Variants in SEL1L observed in about 807,000 individuals in gnomAD.
SEL1L encodes SEL1L adaptor subunit of SYVN1 ubiquitin ligase, also known as protein sel-1 homolog 1.
Under a neutral mutation model 109.8 loss-of-function variants are expected in SEL1L, and 52 were observed. That is an observed-to-expected ratio of 0.47 (90% CI 0.38 to 0.60). The LOEUF is 0.60. SEL1L is among the 20% of genes least tolerant of loss of function. The pLI, the probability that SEL1L is intolerant of heterozygous loss-of-function variation, is 0.00. For missense variants in SEL1L, 749 were observed against 962.2 expected (o/e 0.78, Z 2.93); for synonymous variants, 373 against 339.6 (o/e 1.10, Z -1.08).
Position 81,485,680 on chromosome 14 carries a change from G to A in SEL1L, c.1865C>T (p.Ala622Val), listed in dbSNP as rs1399498290. ...TAGAATTAATCACTTACCTTGAGAG[G>A]CGGCCCTGTTCCAATGTAGCAAAGC... is the stretch of plus-strand genomic sequence containing the variant. ...PRALLHWNRA[A>V]SQGYTVARIK... Residue 622 changes from alanine (A) to valine (V), a missense_variant, in exon 18 of 21, where the codon GCC becomes GTC. Coordinates refer to ENST00000336735, the MANE Select transcript of SEL1L (RefSeq NM_005065.6). 2 of 1,613,682 alleles carry A rather than the reference G, an allele frequency of 1.2e-6. No individual in the cohort carries two copies. The highest frequency in any genetic ancestry group is 1.7e-6 in the Non-Finnish European group (2 of 1,179,652).
intron 3 of SEL1L, among the ~76,000 whole-genome samples, chr14:81,517,703 T>C (rs1228881435): frequency 1.3e-5 from 2 of 152,218 alleles, no homozygotes; most frequent in African/African-American, 4.8e-5. Context: ...CATCTAGATG[T>C]ATTGTAAAAA....
intron 14 of SEL1L, 165 bp downstream of exon 14, chr14:81,489,087 C>T (rs1033971597): frequency 1.2e-5 from 8 of 670,258 alleles, no homozygotes; most frequent in South Asian, 3.4e-5. Context: ...TGGTGTCTGT[C>T]GGGTATGGGG....
chr14:81,488,876 G>C, intron 14 of SEL1L: 1 of 269,326 alleles, frequency 3.7e-6, no homozygotes, highest in Admixed American at 5.5e-5. Flanking sequence ...GTAAAGGGCA[G>C]AACAGAAAGC....
intron 19 of SEL1L, among the ~76,000 whole-genome samples, chr14:81,482,832 C>T (rs1449846172): frequency 6.6e-6 from 1 of 152,156 alleles, no homozygotes; most frequent in Non-Finnish European, 1.5e-5. Flanking sequence ...AAATGAACAA[C>T]TTTCCCTCAA....
intron 10 of SEL1L, 108 bp from the exon 11 acceptor site, chr14:81,495,245 T>A: frequency 5.4e-6 from 5 of 926,588 alleles, no homozygotes; most frequent in African/African-American, 3.3e-5. Context: ...TGTTCATGAC[T>A]CAAAAAACAA....
At chr14:81,483,838 A>C (rs1903434716) in intron 19 of SEL1L, among the ~76,000 whole-genome samples, 1 of 152,246 alleles carries the variant, frequency 6.6e-6, no homozygotes, top group East Asian at 1.9e-4. Flanking sequence ...GACAGACTTC[A>C]TTAGGCAAGT....
intron 3 of SEL1L, among the ~76,000 whole-genome samples, chr14:81,526,320 G>A (rs1219628412): frequency 1.3e-5 from 2 of 152,106 alleles, no homozygotes; most frequent in African/African-American, 4.8e-5. Context: ...TAGGATGATC[G>A]ACAAGGTTAT....
intron 18 of SEL1L, among the ~76,000 whole-genome samples, chr14:81,484,733 C>T (rs761940305): frequency 9.2e-5 from 14 of 152,158 alleles, no homozygotes; most frequent in Non-Finnish European, 1.6e-4. Context: ...TCAAAGGAAA[C>T]GCTCACAGGA....
chr14:81,513,491 G>T (rs145374900), intron 3 of SEL1L, among the ~76,000 whole-genome samples: 1 of 152,050 alleles, frequency 6.6e-6, no homozygotes, highest in Non-Finnish European at 1.5e-5. Flanking sequence ...AACACTCACC[G>T]CGAGAGTCCG....
At chr14:81,502,224 C>A (rs1009869622) in intron 6 of SEL1L, among the ~76,000 whole-genome samples, 1 of 152,018 alleles carries the variant, frequency 6.6e-6, no homozygotes, top group East Asian at 1.9e-4. Context: ...AGATCTATTA[C>A]AGAAAGATAT....
rs1885434263 is a variant in SEL1L, at chr14:81,533,801, C to A, written c.-57G>T. The A allele has an allele frequency of 6.5e-7, 1 of 1,536,340 alleles. No homozygotes were observed. The highest frequency in any genetic ancestry group is 1.8e-5 in the Admixed American group (1 of 55,788). ...GCTGTCGCCTTCGCCTCTGCCACCA[C>A]GGACTCAGCCACCACCGCCGCCTCG... On this transcript the variant is annotated 5_prime_UTR_variant, in exon 1 of 21. Coordinates refer to ENST00000336735, the MANE Select transcript of SEL1L (RefSeq NM_005065.6).
intron 4 of SEL1L, among the ~76,000 whole-genome samples, chr14:81,505,330 G>A (rs1428142811): frequency 6.6e-6 from 1 of 152,098 alleles, no homozygotes; most frequent in African/African-American, 2.4e-5. Context: ...GCTACTGTAA[G>A]AACTCATCAA....
At position 81,518,923 on chromosome 14, in the gene SEL1L, CAT is replaced by C. The variant is rs568854736; in HGVS notation, c.340+7808_340+7809del. 2.0e-5 allele frequency among the ~76,000 whole-genome samples: 3 copies of C among 152,228 alleles called. No homozygotes were observed. The South Asian group carries it at 6.2e-4, about 32-fold the overall frequency. ...TGCAGAGAAGAGTTAAAAAAACAGA[CAT>C]AAACTTCTCTCTTTGAGAAGGCTGG... On this transcript the variant is annotated intron_variant, in intron 3 of 20. Coordinates refer to ENST00000336735, the MANE Select transcript of SEL1L (RefSeq NM_005065.6).
At chr14:81,494,740 C>T (rs1024209731) in intron 11 of SEL1L, among the ~76,000 whole-genome samples, 1 of 152,196 alleles carries the variant, frequency 6.6e-6, no homozygotes, top group South Asian at 2.1e-4. Context: ...ATTATTGTAT[C>T]TTTTAAATCT....
intron 20 of SEL1L, chr14:81,479,351 A>C (rs1439281777): frequency 1.6e-5 from 4 of 253,352 alleles, no homozygotes; most frequent in African/African-American, 4.4e-5. Context: ...GTTTTCCCTA[A>C]ACCAGAAAAC....
rs180882602 is a variant in SEL1L at position 81,509,559 on chromosome 14, T to C, written c.341-3318A>G. On this transcript the variant is annotated intron_variant, in intron 3 of 20. Transcript: ENST00000336735. Reference sequence around the variant, plus strand: ...TATAGTACAGAACTTATTGTAATAATGAACAGAATGCTTTACACTTCAACT... The same window carrying C: ...TATAGTACAGAACTTATTGTAATAACGAACAGAATGCTTTACACTTCAACT... Among the ~76,000 whole-genome samples, 9 of 152,334 alleles carry C rather than the reference T, an allele frequency of 5.9e-5. No homozygotes were observed. The East Asian group carries it at 1.5e-3, about 26-fold the overall frequency.
At chr14:81,523,283 C>A (rs928950611) in intron 3 of SEL1L, among the ~76,000 whole-genome samples, 1 of 152,048 alleles carries the variant, frequency 6.6e-6, no homozygotes, top group Non-Finnish European at 1.5e-5. Context: ...TAAATCAACG[C>A]GCAATGATTT....
intron 16 of SEL1L, among the ~76,000 whole-genome samples, 194 bp from the exon 17 acceptor site, chr14:81,486,648 TA>T (rs373650913): frequency 0.063 from 9,008 of 143,156 alleles, 858 homozygotes; most frequent in African/African-American, 0.21. Context: ...AACAGGTTTA[TA>T]AAAAAAAAAA....
At position 81,476,967 on chromosome 14, in the gene SEL1L, G is replaced by A. The variant is rs201762462; in HGVS notation, c.*5C>T. On this transcript the variant is annotated 3_prime_UTR_variant, in exon 21 of 21. Transcript: ENST00000336735. The stretch of plus-strand genomic sequence containing the variant: ...GTCACTGATCAAGGCTGGACCCAGT[G>A]CCTATTACTGTGGTGGCTGCTGCTC... The A allele has an allele frequency of 4.3e-6, 7 of 1,614,036 alleles. No individual in the cohort carries two copies. The East Asian group carries it at 1.3e-4, about 31-fold the overall frequency.
Sources: allele counts gnomAD v4.1 joint callset (sites outside exome capture counted in the v4.1 genomes callset), GRCh38; gene constraint gnomAD v4.1.1; transcripts MANE v1.5; gene names NCBI Gene and HGNC (gene_info 2026-07-23, HGNC 2026-07-21).